OSBPL6: variants seen among roughly 807,000 people sequenced by gnomAD.
The protein encoded by OSBPL6 is oxysterol binding protein like 6.
OSBPL6 carries 49 observed loss-of-function variants against 125.8 expected under a neutral mutation model. The observed-to-expected ratio is 0.39, with a 90% CI of 0.31 to 0.49. The LOEUF is 0.49. Ranked by LOEUF, OSBPL6 falls within the 20% of genes least tolerant of loss-of-function variation. The pLI, the probability that OSBPL6 is intolerant of heterozygous loss-of-function variation, is 0.88. For missense variants in OSBPL6, 986 were observed against 1,135.4 expected, an observed-to-expected ratio of 0.87 and a Z score of 1.89; for synonymous variants, 394 against 391.8, an observed-to-expected ratio of 1.01 and a Z score of -0.07.
Position 178,395,385 on chromosome 2 carries a change from A to G in OSBPL6, c.2697-66A>G. ...TATATGTCCATGTCTAATCTATAGG[A>G]GAGGGTCCTATTTAAGGTTACCTTG... On this transcript the variant is annotated intron_variant, in intron 24 of 24. Transcript: ENST00000190611. 2.7e-6 allele frequency: 3 copies of G among 1,113,222 alleles called. No homozygotes were observed. The South Asian group carries it at 3.9e-5, about 14-fold the overall frequency. 69.0% of individuals were successfully genotyped at this position (1,113,222 alleles called of 1,614,324 possible).
intron 11 of OSBPL6, 73 bp downstream of exon 11, chr2:178,339,837 T>C: frequency 8.9e-7 from 1 of 1,120,264 alleles, no homozygotes; most frequent in South Asian, 1.9e-5. Flanking sequence ...CATCAGTTTA[T>C]GGGCGTTAGA....
At chr2:178,352,399 C>T (rs1024514395) in intron 12 of OSBPL6, among the ~76,000 whole-genome samples, 2 of 152,338 alleles carry the variant, frequency 1.3e-5, no homozygotes, top group South Asian at 2.1e-4. Flanking sequence ...CTGCACTTTT[C>T]CCAAGGTCTT....
rs1327925492 is a variant in OSBPL6, at chr2:178,361,828, T to C, written c.1287+13T>C. The stretch of plus-strand genomic sequence containing the variant: ...GTCACTGTCTCAGGTAGGCAAAGAG[T>C]GTGTGTTTGCATGTACATGACACAC... On this transcript the variant is annotated intron_variant, in intron 13 of 24. Transcript: ENST00000190611. The C allele has an allele frequency of 1.2e-6, 2 of 1,613,266 alleles. No individual in the cohort carries two copies. Among genetic ancestry groups the C allele is most frequent in the East Asian group, 4.5e-5 (2 of 44,838 alleles).
intron 1 of OSBPL6, among the ~76,000 whole-genome samples, chr2:178,266,111 A>C (rs907703499): frequency 6.6e-6 from 1 of 152,156 alleles, no homozygotes; most frequent in African/African-American, 2.4e-5. Context: ...AATTTGCTTT[A>C]GGAATTAAGA....
intron 5 of OSBPL6, among the ~76,000 whole-genome samples, chr2:178,329,886 T>C (rs1689047436): frequency 6.6e-6 from 1 of 152,220 alleles, no homozygotes; most frequent in South Asian, 2.1e-4. Context: ...GGAGGTTATG[T>C]ATGTTAACTT....
chr2:178,246,800 A>G lies in OSBPL6; in HGVS notation c.-350-38127A>G, dbSNP rs143567945. Among the ~76,000 whole-genome samples, 178 of 152,266 alleles carry G rather than the reference A, an allele frequency of 1.2e-3. 2 individuals are homozygous for G. Among genetic ancestry groups the G allele is most frequent in the African/African-American group, 4.2e-3 (175 of 41,564 alleles). On this transcript the variant is annotated intron_variant, in intron 1 of 24. Coordinates refer to ENST00000190611, the MANE Select transcript of OSBPL6 (RefSeq NM_032523.4). ...CCAGAAAGTCTTCCATTCTGCTTCT[A>G]GAGTTACCTTCCTCTCAATTTAGTT...
intron 1 of OSBPL6, among the ~76,000 whole-genome samples, chr2:178,210,663 T>C (rs1047515589): frequency 6.6e-6 from 1 of 152,044 alleles, no homozygotes; most frequent in African/African-American, 2.4e-5. Flanking sequence ...ATATAAAAAA[T>C]AAGCCGGGCA....
At position 178,372,244 on chromosome 2, in the gene OSBPL6, T is replaced by C; in HGVS notation, c.1395+11T>C. ...CCTAGCCCTGATGAGGTAAGACTCA[T>C]TTTAAATAGATGCAGAGTACCTATT... On this transcript the variant is annotated intron_variant, in intron 14 of 24. Coordinates refer to ENST00000190611, the MANE Select transcript of OSBPL6 (RefSeq NM_032523.4). 1 of 1,569,462 alleles carries C rather than the reference T, an allele frequency of 6.4e-7. No individual in the cohort carries two copies. The highest frequency in any genetic ancestry group is 8.7e-7 in the Non-Finnish European group (1 of 1,148,942).
intron 1 of OSBPL6, among the ~76,000 whole-genome samples, chr2:178,218,938 C>T (rs994513657): frequency 2.0e-5 from 3 of 151,980 alleles, no homozygotes; most frequent in Admixed American, 6.6e-5. Context: ...TATCCCTGCT[C>T]CTTTTTATTA....
At chr2:178,210,820 A>AC (rs1214562760) in intron 1 of OSBPL6, among the ~76,000 whole-genome samples, 62 of 122,062 alleles carry the variant, frequency 5.1e-4, no homozygotes, top group African/African-American at 2.1e-3. Flanking sequence ...TTCAAAAAAA[A>AC]AAAACACACA....
intron 13 of OSBPL6, among the ~76,000 whole-genome samples, chr2:178,367,624 C>T (rs1692965351): frequency 6.6e-6 from 1 of 152,132 alleles, no homozygotes; most frequent in Admixed American, 6.6e-5. Flanking sequence ...AAGGAGGTGG[C>T]AATTTAGGTA....
chr2:178,385,527 T>C lies in OSBPL6; in HGVS notation c.2077+6T>C. Reference sequence around the variant, plus strand: ...GAATTTTGTGTTTTGGCAAGGTTTGTATTTCAATTATAATTTAAAATCAAA... The same window carrying C: ...GAATTTTGTGTTTTGGCAAGGTTTGCATTTCAATTATAATTTAAAATCAAA... On this transcript the variant is annotated splice_donor_region_variant and intron_variant, in intron 19 of 24. Coordinates refer to ENST00000190611, the MANE Select transcript of OSBPL6 (RefSeq NM_032523.4). The C allele has an allele frequency of 6.3e-7, 1 of 1,579,136 alleles. No homozygotes were observed. Among genetic ancestry groups the C allele is most frequent in the Non-Finnish European group, 8.7e-7 (1 of 1,149,038 alleles).
chr2:178,226,169 C>G (rs1192490853), intron 1 of OSBPL6, among the ~76,000 whole-genome samples: 3 of 152,038 alleles, frequency 2.0e-5, no homozygotes, highest in Non-Finnish European at 4.4e-5. Flanking sequence ...TAGGGGTGGG[C>G]AAGGAGATGG....
At chr2:178,377,230 A>G (rs1205755177) in intron 15 of OSBPL6, among the ~76,000 whole-genome samples, 1 of 152,236 alleles carries the variant, frequency 6.6e-6, no homozygotes, top group Non-Finnish European at 1.5e-5. Flanking sequence ...ACTTACAACC[A>G]TGGCAGAAGG....
intron 2 of OSBPL6, among the ~76,000 whole-genome samples, chr2:178,303,502 T>C (rs931402007): frequency 2.6e-5 from 4 of 152,206 alleles, no homozygotes; most frequent in African/African-American, 7.2e-5. Flanking sequence ...TATAGGACCA[T>C]ATAAAATTTC....
At chr2:178,395,156 G>C (rs1199753686) in intron 24 of OSBPL6, among the ~76,000 whole-genome samples, 3 of 152,102 alleles carry the variant, frequency 2.0e-5, no homozygotes, top group Non-Finnish European at 2.9e-5. Context: ...CTTAGTTACA[G>C]TATTTGTATA....
At chr2:178,259,103 T>C (rs2091975880) in intron 1 of OSBPL6, among the ~76,000 whole-genome samples, 1 of 152,200 alleles carries the variant, frequency 6.6e-6, no homozygotes, top group Non-Finnish European at 1.5e-5. Flanking sequence ...CTGAAGGTTG[T>C]TGTTGGAGGA....
chr2:178,216,427 A>G (rs148079558), intron 1 of OSBPL6, among the ~76,000 whole-genome samples: 2 of 152,204 alleles, frequency 1.3e-5, no homozygotes, highest in Non-Finnish European at 2.9e-5. Context: ...AATAAATGAG[A>G]GTAACAGATT....
intron 2 of OSBPL6, among the ~76,000 whole-genome samples, chr2:178,300,833 G>T (rs1377419890): frequency 2.0e-5 from 3 of 152,114 alleles, no homozygotes; most frequent in Non-Finnish European, 2.9e-5. Context: ...AATGGAAATA[G>T]AACTTTAAAA....
Sources: gnomAD v4.1 joint callset for allele counts (sites outside exome capture counted in the v4.1 genomes callset) on GRCh38, gnomAD v4.1.1 for gene constraint, MANE v1.5 for transcripts, NCBI Gene and HGNC (gene_info 2026-07-23, HGNC 2026-07-21) for gene names.